The following COL23A1 variants were observed in gnomAD, a reference collection of about 807,000 sequenced individuals.
COL23A1 encodes collagen type XXIII alpha 1 chain.
In COL23A1, 97 loss-of-function variants were observed where a neutral mutation model predicts 99.3. The observed-to-expected ratio is 0.98, with a 90% CI of 0.83 to 1.16. COL23A1 has a LOEUF of 1.16. Ranked by LOEUF, COL23A1 falls within the 50% of genes most tolerant of loss-of-function variation. COL23A1 has a pLI of 0.00. For missense variants in COL23A1, 762 were observed against 757.4 expected (o/e 1.01, Z -0.07); for synonymous variants, 320 against 308.2 (o/e 1.04, Z -0.40).
intron 2 of COL23A1, among the ~76,000 whole-genome samples, chr5:178,358,377 T>C (rs1761922467): frequency 6.6e-6 from 1 of 151,130 alleles, no homozygotes; most frequent in Non-Finnish European, 1.5e-5. Flanking sequence ...TACGTGTGTA[T>C]GTCTAATGTG....
intron 2 of COL23A1, among the ~76,000 whole-genome samples, chr5:178,371,411 G>A (rs1762794408): frequency 6.6e-6 from 1 of 152,202 alleles, no homozygotes; most frequent in Non-Finnish European, 1.5e-5. Context: ...GACTGGAGGA[G>A]GGGCCGGCTG....
chr5:178,520,770 T>A (rs2546645), intron 2 of COL23A1, among the ~76,000 whole-genome samples: 1 of 152,122 alleles, frequency 6.6e-6, no homozygotes, highest in South Asian at 2.1e-4. Context: ...GAGATAACAC[T>A]CTGTGCACGA....
intron 2 of COL23A1, among the ~76,000 whole-genome samples, chr5:178,324,682 C>G (rs1311552375): frequency 6.6e-6 from 1 of 152,202 alleles, no homozygotes; most frequent in South Asian, 2.1e-4. Flanking sequence ...CCAGGTGGTC[C>G]GTGCCACAAG....
At chr5:178,496,613 T>C (rs1184312017) in intron 2 of COL23A1, among the ~76,000 whole-genome samples, 2 of 152,204 alleles carry the variant, frequency 1.3e-5, no homozygotes, top group East Asian at 3.8e-4. Flanking sequence ...AAGAGCTATT[T>C]AGGTAGATAT....
At chr5:178,385,318 G>A (rs904444075) in intron 2 of COL23A1, among the ~76,000 whole-genome samples, 3 of 152,146 alleles carry the variant, frequency 2.0e-5, no homozygotes, top group Non-Finnish European at 4.4e-5. Context: ...TGGACGCGGG[G>A]AATTCACAGA....
At chr5:178,370,744 A>C (rs185161242) in intron 2 of COL23A1, among the ~76,000 whole-genome samples, 5 of 152,320 alleles carry the variant, frequency 3.3e-5, no homozygotes, top group Admixed American at 6.5e-5. Flanking sequence ...AGTCCATCCT[A>C]AATTTGCTTA....
At chr5:178,323,851 A>G (rs932484289) in intron 2 of COL23A1, among the ~76,000 whole-genome samples, 3 of 152,034 alleles carry the variant, frequency 2.0e-5, no homozygotes, top group African/African-American at 7.2e-5. Context: ...GGTAGCATCA[A>G]CCCTCCTTTG....
At chr5:178,405,472 T>C (rs1315721252) in intron 2 of COL23A1, among the ~76,000 whole-genome samples, 3 of 152,238 alleles carry the variant, frequency 2.0e-5, no homozygotes, top group African/African-American at 4.8e-5. Flanking sequence ...TATTAATGCC[T>C]CATTTATTAC....
At chr5:178,359,300 G>C (rs1170388076) in intron 2 of COL23A1, among the ~76,000 whole-genome samples, 1 of 152,226 alleles carries the variant, frequency 6.6e-6, no homozygotes, top group African/African-American at 2.4e-5. Flanking sequence ...GAGGCAGGTG[G>C]ATCACTTGAG....
chr5:178,485,997 T>C (rs1195857704), intron 2 of COL23A1, among the ~76,000 whole-genome samples: 1 of 152,068 alleles, frequency 6.6e-6, no homozygotes, highest in Non-Finnish European at 1.5e-5. Flanking sequence ...TCCTAGACCT[T>C]TGAAAGATAA....
chr5:178,418,069 C>T (rs1481256863), intron 2 of COL23A1, among the ~76,000 whole-genome samples: 1 of 152,234 alleles, frequency 6.6e-6, no homozygotes, highest in Non-Finnish European at 1.5e-5. Flanking sequence ...GTCTGGAGGA[C>T]TTGGCACTCA....
chr5:178,562,096 C>T, intron 1 of COL23A1: 1 of 532,984 alleles, frequency 1.9e-6, no homozygotes, highest in Non-Finnish European at 3.6e-6. Context: ...AAAAAGGAAG[C>T]CACAGCGTGG....
chr5:178,411,389 C>A (rs1372249709), intron 2 of COL23A1, among the ~76,000 whole-genome samples: 1 of 151,952 alleles, frequency 6.6e-6, no homozygotes, highest in Non-Finnish European at 1.5e-5. Flanking sequence ...TGAAAACAAC[C>A]CAAATGCCCA....
intron 2 of COL23A1, among the ~76,000 whole-genome samples, chr5:178,358,203 G>A (rs903981572): frequency 7.0e-6 from 1 of 142,896 alleles, no homozygotes; most frequent in South Asian, 2.2e-4. Context: ...GTGTGCATGT[G>A]TACGTGTGTA....
At chr5:178,448,023 TA>T (rs1767261578) in intron 2 of COL23A1, among the ~76,000 whole-genome samples, 1 of 152,190 alleles carries the variant, frequency 6.6e-6, no homozygotes, top group South Asian at 2.1e-4. Context: ...TTCATATTGT[TA>T]CCCCCAATGC....
chr5:178,354,336 A>G (rs75607794), intron 2 of COL23A1, among the ~76,000 whole-genome samples: 22,799 of 152,048 alleles, frequency 0.15, 2,589 homozygotes, highest in African/African-American at 0.31. Context: ...AGCCTCGAAA[A>G]TAGCTGCGAC....
At chr5:178,493,318 G>A (rs1242996387) in intron 2 of COL23A1, among the ~76,000 whole-genome samples, 1 of 152,218 alleles carries the variant, frequency 6.6e-6, no homozygotes, top group Non-Finnish European at 1.5e-5. Context: ...CACGAGGCAC[G>A]GAGTTCACCA....
intron 2 of COL23A1, among the ~76,000 whole-genome samples, chr5:178,533,152 G>A (rs1420066993): frequency 6.6e-6 from 1 of 152,176 alleles, no homozygotes; most frequent in Non-Finnish European, 1.5e-5. Flanking sequence ...GAACTAGGAA[G>A]CTCTGAGGCT....
intron 2 of COL23A1, among the ~76,000 whole-genome samples, chr5:178,412,858 C>A (rs1466587524): frequency 6.6e-6 from 1 of 152,084 alleles, no homozygotes; most frequent in Admixed American, 6.5e-5. Context: ...AAGCAGTTTT[C>A]TCAGAAATGC....
Sources: allele counts gnomAD v4.1 joint callset (sites outside exome capture counted in the v4.1 genomes callset), GRCh38; gene constraint gnomAD v4.1.1; transcripts MANE v1.5; gene names NCBI Gene and HGNC (gene_info 2026-07-23, HGNC 2026-07-21).